SMC6: variants seen among roughly 807,000 people sequenced by gnomAD.
SMC6 encodes structural maintenance of chromosomes protein 6.
A neutral mutation model predicts 142.2 loss-of-function variants in SMC6; 79 were observed. The observed-to-expected ratio is 0.56, with a 90% CI of 0.46 to 0.67. SMC6 has a LOEUF of 0.67. SMC6 is among the 30% of genes least tolerant of loss of function. The pLI is 0.00. For synonymous variants in SMC6, 411 were observed against 412.4 expected, an observed-to-expected ratio of 1.00 and a Z score of 0.04; for missense variants, 1,072 against 1,284.0, an observed-to-expected ratio of 0.83 and a Z score of 2.52.
intron 7 of SMC6, among the ~76,000 whole-genome samples, chr2:17,728,214 C>A (rs1391742697): frequency 6.6e-6 from 1 of 152,042 alleles, no homozygotes; most frequent in African/African-American, 2.4e-5. Context: ...GGCAGGTGGA[C>A]TGCTTGAGTC....
intron 3 of SMC6, among the ~76,000 whole-genome samples, chr2:17,743,174 C>G (rs1211318812): frequency 6.6e-6 from 1 of 152,064 alleles, no homozygotes; most frequent in Non-Finnish European, 1.5e-5. Flanking sequence ...GCCTTTTCAC[C>G]TAAATTTTAG....
chr2:17,741,926 A>C (rs1393831482), intron 3 of SMC6, among the ~76,000 whole-genome samples, 197 bp from the exon 4 acceptor site: 3 of 152,212 alleles, frequency 2.0e-5, no homozygotes, highest in Non-Finnish European at 4.4e-5. Flanking sequence ...AAAATCTTTA[A>C]AGGATTTAAA....
rs13396783 is a variant in SMC6 at position 17,730,944 on chromosome 2, T to C, written c.543+134A>G. The C allele has an allele frequency of 3.0e-3, 2,057 of 696,014 alleles. 39 individuals are homozygous for C. In the African/African-American group the frequency reaches 0.034, roughly 12 times the overall value. The allele number at this position is 696,014 out of a possible 1,614,324, so 43.1% of individuals were successfully genotyped here. A position where few individuals can be genotyped will look rare whatever the true frequency, so the allele number is the denominator to read the frequency against. ...AGTAAATTTTAAACAACTTCATTGA[T>C]AATAGTTACACATATGCTTCCTGTG... On this transcript the variant is annotated intron_variant, in intron 7 of 27. Coordinates refer to ENST00000448223, the MANE Select transcript of SMC6 (RefSeq NM_001142286.2).
At chr2:17,675,935 C>T (rs1572250018) in intron 25 of SMC6, among the ~76,000 whole-genome samples, 3 of 152,220 alleles carry the variant, frequency 2.0e-5, no homozygotes, top group East Asian at 3.9e-4. Flanking sequence ...ATTCTCTCTT[C>T]AAATATTCTT....
intron 9 of SMC6, among the ~76,000 whole-genome samples, chr2:17,722,879 A>G (rs1334267031): frequency 6.6e-6 from 1 of 152,116 alleles, no homozygotes; most frequent in East Asian, 1.9e-4. Context: ...TTTTATTGAG[A>G]CCAGACTTAC....
chr2:17,753,345 G>GGACGGCCGCCTGGGAGGT (rs1671179544), intron 1 of SMC6, among the ~76,000 whole-genome samples: 1 of 152,230 alleles, frequency 6.6e-6, no homozygotes, highest in Non-Finnish European at 1.5e-5. Context: ...GCCTGGGAGG[G>GGACGGCCGCCTGGGAGGT]GACGGCCGCC....
intron 6 of SMC6, 57 bp from the exon 7 acceptor site, chr2:17,731,196 A>T: frequency 8.6e-7 from 1 of 1,162,562 alleles, no homozygotes; most frequent in Non-Finnish European, 1.3e-6. Context: ...AACACAGAAA[A>T]AATGTATAGT....
At chr2:17,731,626 G>T in intron 6 of SMC6, 115 bp downstream of exon 6, 2 of 947,524 alleles carry the variant, frequency 2.1e-6, no homozygotes, top group Non-Finnish European at 3.2e-6. Context: ...ATATATATAT[G>T]CACACAACCA....
intron 26 of SMC6, among the ~76,000 whole-genome samples, chr2:17,669,523 G>A (rs992413335): frequency 6.6e-6 from 1 of 152,282 alleles, no homozygotes; most frequent in Middle Eastern, 3.4e-3. Flanking sequence ...AGAATTAGGG[G>A]AGGCAGCTTG....
chr2:17,685,465 T>A (rs1029972791), intron 23 of SMC6, among the ~76,000 whole-genome samples: 5 of 152,060 alleles, frequency 3.3e-5, no homozygotes, highest in African/African-American at 1.2e-4. Context: ...AAAGACAAAT[T>A]CTTATCAACT....
At chr2:17,723,942 T>G (rs369855999) in intron 9 of SMC6, among the ~76,000 whole-genome samples, 27 of 152,196 alleles carry the variant, frequency 1.8e-4, no homozygotes, top group African/African-American at 5.8e-4. Context: ...TCTTATTGAG[T>G]GCATATTATG....
chr2:17,722,540 A>G (rs1385442038), intron 9 of SMC6, among the ~76,000 whole-genome samples: 1 of 152,146 alleles, frequency 6.6e-6, no homozygotes, highest in Non-Finnish European at 1.5e-5. Flanking sequence ...AGGTTTCATG[A>G]AAATTGTCTC....
At chr2:17,736,681 A>T (rs543797530) in intron 5 of SMC6, among the ~76,000 whole-genome samples, 1 of 150,958 alleles carries the variant, frequency 6.6e-6, no homozygotes, top group East Asian at 2.0e-4. Context: ...TGAGCCCAGG[A>T]GTTCGAGGCC....
chr2:17,741,771 C>G, intron 3 of SMC6, 42 bp from the exon 4 acceptor site: 1 of 1,334,942 alleles, frequency 7.5e-7, no homozygotes. Flanking sequence ...CAATCTAATT[C>G]ACTCATTATA....
At chr2:17,726,275 T>A (rs1669620848) in intron 8 of SMC6, 114 bp downstream of exon 8, 1 of 644,404 alleles carries the variant, frequency 1.6e-6, no homozygotes, top group Non-Finnish European at 2.5e-6. Flanking sequence ...TTTAAATAGA[T>A]GGCTTTAAGG....
At position 17,721,239 on chromosome 2, in the gene SMC6, T is replaced by C. The variant is rs1298903248; in HGVS notation, c.749A>G (p.Gln250Arg). 1 of 1,603,544 alleles carries C rather than the reference T, an allele frequency of 6.2e-7. No individual in the cohort carries two copies. Among genetic ancestry groups the C allele is most frequent in the South Asian group, 1.1e-5 (1 of 87,898 alleles). The part of the protein sequence containing the change: ...GEERLTELKR[Q>R]CVEKEERFQS... ...AAAACGTTCCTCTTTCTCTACACAC[T>C]GGCGCTTTAGTTCAGTAAGCCGCTT... Residue 250 changes from glutamine to arginine, a missense_variant, in exon 10 of 28, where the codon CAG becomes CGG. Physicochemically the swap from Gln to Arg is conservative, Grantham distance 43 (BLOSUM62 1). Transcript: ENST00000448223.
chr2:17,731,044 A>G (rs759547611), intron 7 of SMC6, 34 bp downstream of exon 7: 1 of 1,541,184 alleles, frequency 6.5e-7, no homozygotes, highest in Admixed American at 1.7e-5. Context: ...GACAAGGTGT[A>G]TGAATTAATC....
chr2:17,740,508 A>C (rs1670385790), intron 4 of SMC6, among the ~76,000 whole-genome samples: 1 of 152,120 alleles, frequency 6.6e-6, no homozygotes, highest in Non-Finnish European at 1.5e-5. Flanking sequence ...CATTGTCCAC[A>C]ATGTGGTCAG....
rs534226393 is a variant in SMC6, at chr2:17,731,073, A to G, written c.543+5T>C. 273 of 1,608,758 alleles carry G rather than the reference A, an allele frequency of 1.7e-4. 1 individual carries two copies. In the South Asian group the frequency reaches 2.5e-3, roughly 15 times the overall value. On this transcript the variant is annotated splice_donor_5th_base_variant and intron_variant, in intron 7 of 27. Coordinates refer to ENST00000448223, the MANE Select transcript of SMC6 (RefSeq NM_001142286.2). ...ATTAATCTGAAACACAAATTCACCA[A>G]TTACCTGGATGTTAAAATGATCAAG...
Sources: allele counts gnomAD v4.1 joint callset (sites outside exome capture counted in the v4.1 genomes callset), GRCh38; gene constraint gnomAD v4.1.1; transcripts MANE v1.5; gene names NCBI Gene and HGNC (gene_info 2026-07-23, HGNC 2026-07-21).